CWC22: variants seen among roughly 807,000 people sequenced by gnomAD.
The protein encoded by CWC22 is pre-mRNA-splicing factor CWC22 homolog.
CWC22 carries 53 observed loss-of-function variants against 117.2 expected under a neutral mutation model. The ratio of observed to expected loss-of-function variants is 0.45; its 90% confidence interval spans 0.36 to 0.57. CWC22 has a LOEUF of 0.57. Ranked by LOEUF, CWC22 falls within the 20% of genes least tolerant of loss-of-function variation. The pLI is 0.00. For missense variants in CWC22, 980 were observed against 1,068.8 expected, an observed-to-expected ratio of 0.92 and a Z score of 1.16; for synonymous variants, 360 against 355.6, an observed-to-expected ratio of 1.01 and a Z score of -0.14.
intron 19 of CWC22, among the ~76,000 whole-genome samples, chr2:179,946,602 G>A (rs933975494): frequency 5.9e-5 from 9 of 151,976 alleles, no homozygotes; most frequent in African/African-American, 1.4e-4. Flanking sequence ...TTTAGAAAGC[G>A]ACTCAAATGG....
At chr2:179,972,646 G>A (rs1252991332) in intron 8 of CWC22, among the ~76,000 whole-genome samples, 2 of 152,192 alleles carry the variant, frequency 1.3e-5, no homozygotes, top group Non-Finnish European at 2.9e-5. Flanking sequence ...ACCATGTACA[G>A]TATTAAGTCA....
intron 6 of CWC22, among the ~76,000 whole-genome samples, chr2:179,974,531 T>C (rs1273289916): frequency 6.6e-6 from 1 of 152,188 alleles, no homozygotes; most frequent in Non-Finnish European, 1.5e-5. Context: ...AAAGTCTTAA[T>C]GGTAGTTTTA....
chr2:179,974,491 T>C (rs781567692), intron 6 of CWC22, among the ~76,000 whole-genome samples: 2 of 152,198 alleles, frequency 1.3e-5, no homozygotes, highest in Non-Finnish European at 2.9e-5. Flanking sequence ...TAATGACAAG[T>C]AATTATTGGA....
rs1358657512 is a variant in CWC22 at position 179,950,540 on chromosome 2, T to G, written c.2112A>C (p.Ser704=). The G allele has an allele frequency of 6.2e-7, 1 of 1,612,400 alleles. No individual in the cohort carries two copies. Among genetic ancestry groups the G allele is most frequent in the East Asian group, 2.2e-5 (1 of 44,834 alleles). The part of the protein sequence containing the change: ...SESSSEESDS[S]SISSHSSASA... ...AGGCAGAGCTATGACTACTGATGGATGAAGAGTCGCTCTCTTCACTGGAAG... is the reference window on the plus strand; with the variant it reads ...AGGCAGAGCTATGACTACTGATGGAGGAAGAGTCGCTCTCTTCACTGGAAG... The change falls in exon 19 of 20, where the codon TCA becomes TCC. Residue 704 remains serine (S), a synonymous_variant. Transcript: ENST00000410053.
intron 4 of CWC22, among the ~76,000 whole-genome samples, chr2:179,982,219 AGACGAAGGAT>A (rs1687303865): frequency 6.6e-6 from 1 of 152,126 alleles, no homozygotes; most frequent in African/African-American, 2.4e-5. Flanking sequence ...GAGGAAGGGG[AGACGAAGGAT>A]GACATTTTGC....
intron 1 of CWC22, among the ~76,000 whole-genome samples, chr2:179,994,863 T>G (rs1478898693): frequency 6.6e-6 from 1 of 152,222 alleles, no homozygotes. Flanking sequence ...TTTTAAAGTT[T>G]ATCAGCACTT....
At chr2:179,961,920 A>G (rs1686762501) in intron 13 of CWC22, among the ~76,000 whole-genome samples, 1 of 152,142 alleles carries the variant, frequency 6.6e-6, no homozygotes, top group South Asian at 2.1e-4. Context: ...GAGGGTAAAG[A>G]AAAAAGAAGA....
intron 2 of CWC22, among the ~76,000 whole-genome samples, chr2:179,991,212 A>C (rs774453881): frequency 3.3e-5 from 5 of 152,164 alleles, no homozygotes; most frequent in Non-Finnish European, 7.4e-5. Context: ...AGTGGCTTTC[A>C]TGATCCACTA....
rs1559283915 is a variant in CWC22, at chr2:179,950,579, A to G, written c.2073T>C (p.Asp691=). Residue 691 remains aspartate, a synonymous_variant, in exon 19 of 20, where the codon GAT becomes GAC. Coordinates refer to ENST00000410053, the MANE Select transcript of CWC22 (RefSeq NM_020943.3). ...CTTCACTGGAAGACTCTGAACTGCT[A>G]TCACTGCTGTCAGAATCAGAGTCGG... is the stretch of plus-strand genomic sequence containing the variant. ...DSSDSDSDSS[D]SSSESSSEES... 3 of 1,613,450 alleles carry G rather than the reference A, an allele frequency of 1.9e-6. No homozygotes were observed. The African/African-American group carries it at 4.0e-5, about 22-fold the overall frequency.
chr2:179,972,835 G>C (rs542288399), intron 8 of CWC22, among the ~76,000 whole-genome samples: 1 of 151,644 alleles, frequency 6.6e-6, no homozygotes, highest in African/African-American at 2.4e-5. Flanking sequence ...GTGAAACCCC[G>C]TCTCTACTAA....
rs780547198 is a variant in CWC22 at position 179,978,181 on chromosome 2, A to G, written c.581+9T>C. ...TAGAAATACTACAAATAAAATAGCC[A>G]ATACTTACCTTCCTCTAACTATATT... On this transcript the variant is annotated intron_variant, in intron 6 of 19. Transcript: ENST00000410053. 4 of 1,516,592 alleles carry G rather than the reference A, an allele frequency of 2.6e-6. No individual in the cohort carries two copies. The highest frequency in any genetic ancestry group is 1.4e-5 in the South Asian group (1 of 72,798). The allele number at this position is 1,516,592 out of a possible 1,614,324, so 93.9% of individuals were successfully genotyped here.
intron 4 of CWC22, among the ~76,000 whole-genome samples, chr2:179,982,542 G>T (rs1687311187): frequency 6.6e-6 from 1 of 152,168 alleles, no homozygotes; most frequent in Admixed American, 6.5e-5. Context: ...ATCTCCAATA[G>T]TGGTTACTTT....
At chr2:179,978,910 T>C (rs1041801716) in intron 5 of CWC22, among the ~76,000 whole-genome samples, 8 of 152,340 alleles carry the variant, frequency 5.3e-5, no homozygotes, top group African/African-American at 7.2e-5. Flanking sequence ...GTTGATGTAG[T>C]AGTCCTACAG....
At chr2:179,947,660 T>A (rs566192742) in intron 19 of CWC22, among the ~76,000 whole-genome samples, 1 of 152,216 alleles carries the variant, frequency 6.6e-6, no homozygotes, top group African/African-American at 2.4e-5. Flanking sequence ...GAATGTTAAA[T>A]GAACAATGTT....
intron 6 of CWC22, among the ~76,000 whole-genome samples, chr2:179,974,601 T>C (rs1417841419): frequency 2.6e-5 from 4 of 152,236 alleles, no homozygotes; most frequent in Admixed American, 1.3e-4. Flanking sequence ...TTATAAATTA[T>C]AGTATCTTTA....
chr2:180,005,372 C>T (rs1687946054), intron 1 of CWC22, among the ~76,000 whole-genome samples: 1 of 152,060 alleles, frequency 6.6e-6, no homozygotes, highest in South Asian at 2.1e-4. Context: ...GGTCAGGAGA[C>T]AGACACCATC....
chr2:179,953,816 A>G lies in CWC22; in HGVS notation c.1689+389T>C, dbSNP rs577058278. On this transcript the variant is annotated intron_variant, in intron 16 of 19. Transcript: ENST00000410053. The stretch of plus-strand genomic sequence containing the variant: ...CAAACCCAACAAGAGAACCATGGAG[A>G]GTTATTCCCTCAGGAATCAAGGGAG... Among the ~76,000 whole-genome samples, 80 of 152,184 alleles carry G rather than the reference A, an allele frequency of 5.3e-4. 1 individual carries two copies. The highest frequency in any genetic ancestry group is 1.6e-3 in the African/African-American group (66 of 41,576).
intron 1 of CWC22, among the ~76,000 whole-genome samples, chr2:179,994,976 G>A (rs189801442): frequency 1.6e-4 from 25 of 152,272 alleles, no homozygotes; most frequent in Admixed American, 1.6e-3. Flanking sequence ...AAATTAGCCA[G>A]GCGTGGTGGC....
At chr2:179,991,758 C>A (rs1462971832) in intron 2 of CWC22, among the ~76,000 whole-genome samples, 1 of 152,178 alleles carries the variant, frequency 6.6e-6, no homozygotes, top group African/African-American at 2.4e-5. Flanking sequence ...GAATCTGCCA[C>A]CTACTAGGTC....
Sources: gnomAD v4.1 joint callset for allele counts (sites outside exome capture counted in the v4.1 genomes callset) on GRCh38, gnomAD v4.1.1 for gene constraint, MANE v1.5 for transcripts, NCBI Gene and HGNC (gene_info 2026-07-23, HGNC 2026-07-21) for gene names.